The following RAB3C variants were observed in gnomAD, a reference collection of about 807,000 sequenced individuals.
RAB3C encodes ras-related protein Rab-3C.
RAB3C carries 17 observed loss-of-function variants against 26.4 expected under a neutral mutation model. The ratio of observed to expected loss-of-function variants is 0.64; its 90% CI spans 0.44 to 0.97. The LOEUF is 0.97. Among genes scored for constraint, RAB3C ranks in the 50% least tolerant of loss-of-function variants. The pLI, the probability that RAB3C is intolerant of heterozygous loss-of-function variation, is 0.00. For synonymous variants in RAB3C, 91 were observed against 95.9 expected (o/e 0.95, Z 0.30); for missense variants, 242 against 281.9 (o/e 0.86, Z 1.01).
chr5:58,647,032 C>A (rs1343371444), intron 2 of RAB3C, among the ~76,000 whole-genome samples: 2 of 152,144 alleles, frequency 1.3e-5, no homozygotes, highest in Non-Finnish European at 1.5e-5. Flanking sequence ...TTGCTTGATC[C>A]AATATTCCTC....
chr5:58,691,399 T>A (rs1273723009), intron 2 of RAB3C, among the ~76,000 whole-genome samples: 1 of 152,082 alleles, frequency 6.6e-6, no homozygotes, highest in East Asian at 1.9e-4. Context: ...TTGGTTTAAT[T>A]AACAGGAAAT....
chr5:58,807,036 A>G (rs550518470), intron 3 of RAB3C, among the ~76,000 whole-genome samples: 87 of 152,350 alleles, frequency 5.7e-4, no homozygotes, highest in African/African-American at 2.1e-3. Flanking sequence ...TTTTCTAAGC[A>G]ACCAGAATCG....
intron 2 of RAB3C, among the ~76,000 whole-genome samples, chr5:58,635,847 G>A (rs1417817099): frequency 6.6e-6 from 1 of 152,116 alleles, no homozygotes; most frequent in Non-Finnish European, 1.5e-5. Flanking sequence ...GGTGGACAAC[G>A]CGTGGTGTTT....
intron 3 of RAB3C, among the ~76,000 whole-genome samples, chr5:58,736,349 T>C (rs1389531533): frequency 6.6e-6 from 1 of 152,240 alleles, no homozygotes; most frequent in African/African-American, 2.4e-5. Context: ...TGTTCAAGCA[T>C]GTAGATATTG....
At chr5:58,586,878 TAAATATCACTGTTTTATTTGGCTATGG>T (rs531781086) in intron 1 of RAB3C, among the ~76,000 whole-genome samples, 54 of 152,276 alleles carry the variant, frequency 3.5e-4, no homozygotes, top group African/African-American at 1.2e-3. Flanking sequence ...AATTAAAGTC[TAAATATCACTGTTTTATTTGGCTATGG>T]AAAGTACATG....
In RAB3C at chr5:58,855,293, C is replaced by T. The variant is rs1220119192; in HGVS notation, c.*3942C>T. ...TTATAAAAAAGTCATAACTAAAACC[C>T]TTCTAGACCAAAAAGTTACTGTGTG... On this transcript the variant is annotated 3_prime_UTR_variant, in exon 5 of 5. Coordinates refer to ENST00000282878, the MANE Select transcript of RAB3C (RefSeq NM_138453.4). 1 of 152,152 alleles carries T rather than the reference C, an allele frequency of 6.6e-6. No individual in the cohort carries two copies. The highest frequency in any genetic ancestry group is 1.9e-4 in the East Asian group (1 of 5,198). The allele number at this position is 152,152 out of a possible 1,614,324, so 9.4% of individuals were successfully genotyped here. A position where few individuals can be genotyped will look rare whatever the true frequency, so the allele number is the denominator to read the frequency against.
At chr5:58,706,114 T>G (rs778525985) in intron 2 of RAB3C, among the ~76,000 whole-genome samples, 13 of 152,168 alleles carry the variant, frequency 8.5e-5, no homozygotes, top group Non-Finnish European at 1.2e-4. Context: ...ATCTAGGAGT[T>G]AGTGTAAAGG....
At chr5:58,629,555 T>G (rs1747144824) in intron 2 of RAB3C, among the ~76,000 whole-genome samples, 1 of 152,122 alleles carries the variant, frequency 6.6e-6, no homozygotes, top group African/African-American at 2.4e-5. Context: ...GAGAATAGGC[T>G]TAGCTATAGC....
rs1269523821 is a variant in RAB3C at position 58,591,082 on chromosome 5, CTAGT to C, written c.24+7853_24+7856del. On this transcript the variant is annotated intron_variant, in intron 1 of 4. Coordinates refer to ENST00000282878, the MANE Select transcript of RAB3C (RefSeq NM_138453.4). Reference sequence around the variant, plus strand: ...ACAGATATTTTATTGATACTGATGACTAGTTAAATTCTATTGCTACTATGGAAGA... The same window carrying C: ...ACAGATATTTTATTGATACTGATGACTAAATTCTATTGCTACTATGGAAGA... Among the ~76,000 whole-genome samples, 8 of 152,066 alleles carry C rather than the reference CTAGT, an allele frequency of 5.3e-5. 1 individual carries two copies. Among genetic ancestry groups the C allele is most frequent in the Non-Finnish European group, 1.2e-4 (8 of 68,024 alleles).
At chr5:58,758,046 A>G (rs947301474) in intron 3 of RAB3C, among the ~76,000 whole-genome samples, 13 of 152,158 alleles carry the variant, frequency 8.5e-5, no homozygotes, top group African/African-American at 2.7e-4. Flanking sequence ...GGTTCACGCC[A>G]TTCTCCTGCC....
At chr5:58,798,219 C>T (rs1361238383) in intron 3 of RAB3C, among the ~76,000 whole-genome samples, 4 of 152,098 alleles carry the variant, frequency 2.6e-5, no homozygotes, top group Non-Finnish European at 4.4e-5. Context: ...GATGCTAAAA[C>T]ATCCTGGTTA....
At chr5:58,712,539 T>TC in intron 2 of RAB3C, among the ~76,000 whole-genome samples, 1 of 152,076 alleles carries the variant, frequency 6.6e-6, no homozygotes, top group South Asian at 2.1e-4. Context: ...GATTTTTTTT[T>TC]CTCGAGACAG....
Position 58,695,912 on chromosome 5 carries a change from A to C in RAB3C, c.253-30090A>C, listed in dbSNP as rs538544958. Reference sequence around the variant, plus strand: ...CTCATTTCCTAATTGAATACCCTTTATTTGGTTCTCTTGCCTGATTGCCCT... The same window carrying C: ...CTCATTTCCTAATTGAATACCCTTTCTTTGGTTCTCTTGCCTGATTGCCCT... On this transcript the variant is annotated intron_variant, in intron 2 of 4. Coordinates refer to ENST00000282878, the MANE Select transcript of RAB3C (RefSeq NM_138453.4). Among the ~76,000 whole-genome samples the C allele has an allele frequency of 3.9e-5, 6 of 152,270 alleles. No homozygotes were observed. The South Asian group carries it at 1.2e-3, about 32-fold the overall frequency.
intron 3 of RAB3C, among the ~76,000 whole-genome samples, chr5:58,766,979 T>C (rs1312083113): frequency 1.3e-5 from 2 of 151,896 alleles, no homozygotes; most frequent in African/African-American, 4.8e-5. Flanking sequence ...TCTCTGAATC[T>C]AAAGCACAAG....
In RAB3C at chr5:58,838,378, C is replaced by CAA. The variant is rs35356886; in HGVS notation, c.497-12772_497-12771dup. On this transcript the variant is annotated intron_variant, in intron 4 of 4. Coordinates refer to ENST00000282878, the MANE Select transcript of RAB3C (RefSeq NM_138453.4). ...CTGGGGACAGAGTGAGACTCCCTCT[C>CAA]AAAAAAAAAAAAAAACTTTTTGTTT... 2.1e-4 allele frequency among the ~76,000 whole-genome samples: 30 copies of CAA among 141,670 alleles called. No individual in the cohort carries two copies. In the East Asian group the frequency reaches 6.5e-3, roughly 31 times the overall value. The allele number at this position is 141,670 out of a possible 152,430, so 92.9% of individuals were successfully genotyped here. A position where few individuals can be genotyped will look rare whatever the true frequency, so the allele number is the denominator to read the frequency against.
intron 2 of RAB3C, among the ~76,000 whole-genome samples, chr5:58,687,014 G>A (rs1318781842): frequency 6.6e-6 from 1 of 151,916 alleles, no homozygotes; most frequent in Non-Finnish European, 1.5e-5. Context: ...CATTTCACTC[G>A]GTGACCTAGA....
intron 2 of RAB3C, among the ~76,000 whole-genome samples, chr5:58,702,128 CATT>C (rs1748856898): frequency 6.6e-6 from 1 of 152,092 alleles, no homozygotes; most frequent in African/African-American, 2.4e-5. Flanking sequence ...TATTTTACAT[CATT>C]ATCTAATTTA....
upstream of RAB3C, among the ~76,000 whole-genome samples, chr5:58,582,676 G>A (rs1451163432): frequency 6.6e-6 from 1 of 152,186 alleles, no homozygotes; most frequent in Non-Finnish European, 1.5e-5. Context: ...AGGGCGGAGA[G>A]TCCCAGAGAC....
chr5:58,770,343 C>T (rs541344417), intron 3 of RAB3C, among the ~76,000 whole-genome samples: 6 of 152,212 alleles, frequency 3.9e-5, no homozygotes, highest in South Asian at 2.1e-4. Context: ...TCATTCTGGA[C>T]GACTGACAAA....
Sources: allele counts gnomAD v4.1 joint callset (sites outside exome capture counted in the v4.1 genomes callset), GRCh38; gene constraint gnomAD v4.1.1; transcripts MANE v1.5; gene names NCBI Gene and HGNC (gene_info 2026-07-23, HGNC 2026-07-21).